MAF: variants seen among roughly 807,000 people sequenced by gnomAD.
The protein encoded by MAF is transcription factor Maf.
A neutral mutation model predicts 22.0 loss-of-function variants in MAF; 10 were observed. The ratio of observed to expected loss-of-function variants is 0.45; its 90% confidence interval spans 0.28 to 0.77. MAF has a LOEUF of 0.77. Ranked by LOEUF, MAF falls within the 30% of genes least tolerant of loss-of-function variation. The probability of loss-of-function intolerance (pLI) is 0.12; values close to 1 mark genes in which losing one functional copy is unlikely to be tolerated. For synonymous variants in MAF, 337 were observed against 255.8 expected, an observed-to-expected ratio of 1.32 and a Z score of -3.03; for missense variants, 544 against 548.4, an observed-to-expected ratio of 0.99 and a Z score of 0.08.
At chr16:79,587,786 A>T (rs1391807019) in intron 1 of MAF, among the ~76,000 whole-genome samples, 1 of 145,894 alleles carries the variant, frequency 6.9e-6, no homozygotes, top group Admixed American at 7.0e-5. Flanking sequence ...TTTTTAGATC[A>T]TTGGTGTCAT....
chr16:79,292,742 C>T, the MAF span, among the ~76,000 whole-genome samples: 1 of 152,122 alleles, frequency 6.6e-6, no homozygotes, highest in African/African-American at 2.4e-5. Context: ...GCTGATAAAA[C>T]AAGATGCAGT....
chr16:79,482,703 A>T, the MAF span, among the ~76,000 whole-genome samples: 3 of 152,018 alleles, frequency 2.0e-5, no homozygotes, highest in Non-Finnish European at 4.4e-5. Context: ...TGCTGGAGGT[A>T]ATCACCAGTC....
chr16:79,560,632 T>G, the MAF span, among the ~76,000 whole-genome samples: 14 of 152,142 alleles, frequency 9.2e-5, no homozygotes, highest in Admixed American at 1.3e-4. Context: ...ACATTTTCCA[T>G]AAGATACTCA....
chr16:79,386,037 TAAGG>T, the MAF span, among the ~76,000 whole-genome samples: 1,710 of 152,260 alleles, frequency 0.011, 28 homozygotes, highest in African/African-American at 0.039. Context: ...GCTTAGAGCT[TAAGG>T]GAGGAAGAAA....
chr16:79,268,041 AG>A, the MAF span, among the ~76,000 whole-genome samples: 1 of 152,058 alleles, frequency 6.6e-6, no homozygotes, highest in East Asian at 1.9e-4. Context: ...CCTCCCCTCT[AG>A]GGGAGCTGGG....
At chr16:79,378,029 A>G in the MAF span, among the ~76,000 whole-genome samples, 6 of 152,240 alleles carry the variant, frequency 3.9e-5, no homozygotes, top group East Asian at 1.2e-3. Flanking sequence ...TTGGTTCCTT[A>G]TGAACTTTAA....
chr16:79,256,960 C>A, the MAF span, among the ~76,000 whole-genome samples: 1 of 152,120 alleles, frequency 6.6e-6, no homozygotes, highest in Non-Finnish European at 1.5e-5. Flanking sequence ...GGGCAGATCA[C>A]AAAGTCAGGA....
At chr16:79,242,893 A>G in the MAF span, among the ~76,000 whole-genome samples, 1 of 152,100 alleles carries the variant, frequency 6.6e-6, no homozygotes, top group Admixed American at 6.6e-5. Context: ...AAGATTTAAA[A>G]ACTCACTCAA....
At chr16:79,283,176 G>C in the MAF span, among the ~76,000 whole-genome samples, 2 of 152,172 alleles carry the variant, frequency 1.3e-5, no homozygotes, top group Non-Finnish European at 2.9e-5. Flanking sequence ...GTGGATAGAT[G>C]GACGGATGAA....
chr16:79,396,031 T>G, the MAF span, among the ~76,000 whole-genome samples: 1 of 152,214 alleles, frequency 6.6e-6, no homozygotes, highest in African/African-American at 2.4e-5. Flanking sequence ...TCTTGGCATC[T>G]TGGAGATACT....
At chr16:79,457,121 A>G in the MAF span, among the ~76,000 whole-genome samples, 1 of 152,288 alleles carries the variant, frequency 6.6e-6, no homozygotes, top group African/African-American at 2.4e-5. Context: ...TGTCTTCCTC[A>G]TTGGGATAAG....
the MAF span, among the ~76,000 whole-genome samples, chr16:79,399,625 T>C: frequency 1.3e-5 from 2 of 152,058 alleles, no homozygotes; most frequent in Non-Finnish European, 2.9e-5. Context: ...AGGGGTGTTT[T>C]TGAGGGATAG....
At chr16:79,346,603 A>G in the MAF span, among the ~76,000 whole-genome samples, 3 of 152,168 alleles carry the variant, frequency 2.0e-5, no homozygotes, top group African/African-American at 7.2e-5. Context: ...GAAGGTGATG[A>G]TGGATGGTTT....
the MAF span, among the ~76,000 whole-genome samples, chr16:79,251,074 G>C: frequency 1.3e-5 from 2 of 149,938 alleles, no homozygotes; most frequent in African/African-American, 4.9e-5. Context: ...GATGATATTA[G>C]ATTCCCCCCG....
the MAF span, among the ~76,000 whole-genome samples, chr16:79,221,643 A>T: frequency 1.3e-5 from 2 of 152,218 alleles, no homozygotes; most frequent in East Asian, 3.8e-4. Context: ...GGCAATCTTC[A>T]TCATCTGGAC....
the MAF span, among the ~76,000 whole-genome samples, chr16:79,220,557 C>T: frequency 3.9e-5 from 6 of 152,028 alleles, no homozygotes; most frequent in Non-Finnish European, 8.8e-5. Context: ...ATGGTAGTTA[C>T]TTAATCATTT....
At chr16:79,597,834 A>C (rs1460010923) in intron 1 of MAF, 1 of 1,025,976 alleles carries the variant, frequency 9.7e-7, no homozygotes, top group East Asian at 6.3e-5. Flanking sequence ...TCTCTTTTCC[A>C]TAAAGTCTTT....
the MAF span, among the ~76,000 whole-genome samples, chr16:79,496,680 C>G: frequency 6.6e-6 from 1 of 152,176 alleles, no homozygotes; most frequent in Non-Finnish European, 1.5e-5. Flanking sequence ...CTTCATAATG[C>G]AGATGGCAGG....
the MAF span, among the ~76,000 whole-genome samples, chr16:79,209,512 G>C: frequency 7.2e-5 from 11 of 152,184 alleles, no homozygotes; most frequent in Non-Finnish European, 1.3e-4. Flanking sequence ...TTGTGGCATA[G>C]AGGGCGGGAG....
Sources: gnomAD v4.1 joint callset for allele counts (sites outside exome capture counted in the v4.1 genomes callset) on GRCh38, gnomAD v4.1.1 for gene constraint, MANE v1.5 for transcripts, NCBI Gene and HGNC (gene_info 2026-07-23, HGNC 2026-07-21) for gene names.